Variants in AGAP1 observed in about 807,000 individuals in gnomAD.
AGAP1 encodes arf-GAP with GTPase, ANK repeat and PH domain-containing protein 1.
AGAP1 carries 29 observed loss-of-function variants against 105.3 expected under a neutral mutation model. The observed-to-expected ratio is 0.28, with a 90% CI of 0.21 to 0.38. The LOEUF is 0.38. Among genes scored for constraint, AGAP1 ranks in the 10% least tolerant of loss-of-function variants. AGAP1 has a pLI of 1.00. For synonymous variants in AGAP1, 509 were observed against 485.9 expected (o/e 1.05, Z -0.63); for missense variants, 998 against 1,165.1 (o/e 0.86, Z 2.09).
Position 235,568,780 on chromosome 2 carries a change from T to C in AGAP1, c.163+73931T>C, listed in dbSNP as rs112598844. On this transcript the variant is annotated intron_variant, in intron 1 of 17. Transcript: ENST00000304032. ...TGCAGGGAGAATCCATTTCCTTCCC[T>C]TTTCTAGCATCCAGAAGCCACCTGC... Among the ~76,000 whole-genome samples, 47 of 152,304 alleles carry C rather than the reference T, an allele frequency of 3.1e-4. 1 individual carries two copies. Among genetic ancestry groups the C allele is most frequent in the African/African-American group, 1.1e-3 (46 of 41,568 alleles).
In AGAP1 at chr2:235,928,169, C is replaced by T. The variant is rs191715433; in HGVS notation, c.1325-2596C>T. 2.6e-5 allele frequency among the ~76,000 whole-genome samples: 4 copies of T among 152,318 alleles called. No individual in the cohort carries two copies. In the East Asian group the frequency reaches 7.7e-4, roughly 29 times the overall value. On this transcript the variant is annotated intron_variant, in intron 11 of 17. Coordinates refer to ENST00000304032, the MANE Select transcript of AGAP1 (RefSeq NM_001037131.3). ...TTTCCACCTTTGCGGAGTCCTTTCGCCCACCATAACAGTGTCAGCAGTGTC... is the reference window on the plus strand; with the variant it reads ...TTTCCACCTTTGCGGAGTCCTTTCGTCCACCATAACAGTGTCAGCAGTGTC...
chr2:235,999,922 C>G (rs1227815634), intron 13 of AGAP1, among the ~76,000 whole-genome samples: 1 of 152,102 alleles, frequency 6.6e-6, no homozygotes, highest in Non-Finnish European at 1.5e-5. Context: ...GTGCCCATAA[C>G]AAACCTGCTA....
Position 235,864,275 on chromosome 2 carries a change from C to G in AGAP1, c.1051-19070C>G, listed in dbSNP as rs1041941007. 6.6e-5 allele frequency among the ~76,000 whole-genome samples: 10 copies of G among 152,218 alleles called. No homozygotes were observed. Among genetic ancestry groups the G allele is most frequent in the African/African-American group, 2.4e-4 (10 of 41,450 alleles). Reference sequence around the variant, plus strand: ...TAGTCCCGTGAACTCTGCATTTTCGCAGAATGCCCCCATCATGTGAAGGGG... The same window carrying G: ...TAGTCCCGTGAACTCTGCATTTTCGGAGAATGCCCCCATCATGTGAAGGGG... On this transcript the variant is annotated intron_variant, in intron 9 of 17. Transcript: ENST00000304032. The surrounding 1 kb of genome is among the most constrained non-coding windows in gnomAD (Gnocchi z 5.0).
chr2:235,518,231 G>C (rs1269351197), intron 1 of AGAP1, among the ~76,000 whole-genome samples: 1 of 152,226 alleles, frequency 6.6e-6, no homozygotes, highest in South Asian at 2.1e-4. Context: ...TGAAGACAGT[G>C]GAGCTGTTTA....
At position 235,932,469 on chromosome 2, in the gene AGAP1, A is replaced by G. The variant is rs10200722; in HGVS notation, c.1483+1546A>G. 6.3e-3 allele frequency among the ~76,000 whole-genome samples: 964 copies of G among 152,308 alleles called. 13 individuals are homozygous for G. The highest frequency in any genetic ancestry group is 0.022 in the African/African-American group (906 of 41,562). On this transcript the variant is annotated intron_variant, in intron 12 of 17. Coordinates refer to ENST00000304032, the MANE Select transcript of AGAP1 (RefSeq NM_001037131.3). ...TATTATCAATTAGTATTACTATTTG[A>G]TAAGGTTTCATTCTGTGGCCGCCAT...
chr2:236,124,574 G>A lies in AGAP1; in HGVS notation c.*452G>A, dbSNP rs936203588. ...ATTCCATCTCTTCTCTGAGGAGCTC[G>A]ACGGCATAAATCAGAAGCAAGCACA... On this transcript the variant is annotated 3_prime_UTR_variant, in exon 18 of 18. Coordinates refer to ENST00000304032, the MANE Select transcript of AGAP1 (RefSeq NM_001037131.3). The surrounding 1 kb of genome is among the most constrained non-coding windows in gnomAD (Gnocchi z 5.1). The A allele has an allele frequency of 4.8e-6, 1 of 207,666 alleles. No homozygotes were observed. Among genetic ancestry groups the A allele is most frequent in the Admixed American group, 5.2e-5 (1 of 19,084 alleles). The allele number at this position is 207,666 out of a possible 1,614,324, so 12.9% of individuals were successfully genotyped here. A position where few individuals can be genotyped will look rare whatever the true frequency, so the allele number is the denominator to read the frequency against.
At chr2:235,857,231 G>A (rs1044342308) in intron 9 of AGAP1, among the ~76,000 whole-genome samples, 1 of 152,084 alleles carries the variant, frequency 6.6e-6, no homozygotes, top group African/African-American at 2.4e-5. Context: ...ACAGAAGTGC[G>A]AACCCTATTG....
At position 235,879,295 on chromosome 2, in the gene AGAP1, C is replaced by T. The variant is rs2049895590; in HGVS notation, c.1051-4050C>T. The stretch of plus-strand genomic sequence containing the variant: ...AAAGAAAAGTGCACCTGCCCCAGCC[C>T]AGCTAGACCACAGCCATGACATGGC... On this transcript the variant is annotated intron_variant, in intron 9 of 17. Transcript: ENST00000304032. This position sits in a 1 kb window ranked among gnomAD's most constrained non-coding sequence, Gnocchi z 5.0. Among the ~76,000 whole-genome samples the T allele has an allele frequency of 6.6e-6, 1 of 152,176 alleles. No homozygotes were observed. Among genetic ancestry groups the T allele is most frequent in the Non-Finnish European group, 1.5e-5 (1 of 68,028 alleles).
intron 13 of AGAP1, among the ~76,000 whole-genome samples, chr2:236,015,555 G>T (rs1034271845): frequency 1.4e-5 from 2 of 143,290 alleles, no homozygotes; most frequent in Non-Finnish European, 3.0e-5. Context: ...ATTATAAATT[G>T]CCTTTTTTTT....
At chr2:235,909,624 G>C (rs2317010) in intron 11 of AGAP1, among the ~76,000 whole-genome samples, 118,126 of 151,836 alleles carry the variant, frequency 0.78, 46,047 homozygotes, top group East Asian at 0.98. Flanking sequence ...CACACACACA[G>C]AGTCAGGCTC....
intron 1 of AGAP1, among the ~76,000 whole-genome samples, chr2:235,540,308 C>T (rs1465524341): frequency 2.6e-5 from 4 of 152,170 alleles, no homozygotes; most frequent in African/African-American, 7.2e-5. Context: ...ACGCCACCAA[C>T]GCCTGGCTAA....
chr2:236,081,690 G>A (rs2058788336), intron 16 of AGAP1, among the ~76,000 whole-genome samples: 1 of 149,508 alleles, frequency 6.7e-6, no homozygotes, highest in African/African-American at 2.5e-5. Flanking sequence ...TTTTTGCAGG[G>A]CAATTATCTG....
In AGAP1 at chr2:235,752,818, T is replaced by A. The variant is rs1189748089; in HGVS notation, c.673+2330T>A. ...GGTTGTCAGGATGATGCTGCCTTCCTGCCAAACAGCCTTTGTACGTTCTGG... is the reference window on the plus strand; with the variant it reads ...GGTTGTCAGGATGATGCTGCCTTCCAGCCAAACAGCCTTTGTACGTTCTGG... On this transcript the variant is annotated intron_variant, in intron 6 of 17. Coordinates refer to ENST00000304032, the MANE Select transcript of AGAP1 (RefSeq NM_001037131.3). This position sits in a 1 kb window ranked among gnomAD's most constrained non-coding sequence, Gnocchi z 4.3. Among the ~76,000 whole-genome samples, 1 of 152,240 alleles carries A rather than the reference T, an allele frequency of 6.6e-6. No homozygotes were observed. Among genetic ancestry groups the A allele is most frequent in the Non-Finnish European group, 1.5e-5 (1 of 68,040 alleles).
intron 6 of AGAP1, chr2:235,776,948 C>T (rs561886198): frequency 2.2e-4 from 103 of 471,182 alleles, no homozygotes; most frequent in Middle Eastern, 6.5e-4. Context: ...AAGCTGGGGC[C>T]GTGCTCACCT....
In AGAP1 at chr2:236,046,451, A is replaced by G. The variant is rs1259224896; in HGVS notation, c.1892-2608A>G. Among the ~76,000 whole-genome samples, 1 of 152,090 alleles carries G rather than the reference A, an allele frequency of 6.6e-6. No individual in the cohort carries two copies. Among genetic ancestry groups the G allele is most frequent in the Non-Finnish European group, 1.5e-5 (1 of 68,022 alleles). ...CATAAGTTCGAGAAGAAAGCGTTGG[A>G]CTTATGAGAGGTTGAGAACCTTGTG... is the stretch of plus-strand genomic sequence containing the variant. On this transcript the variant is annotated intron_variant, in intron 15 of 17. Coordinates refer to ENST00000304032, the MANE Select transcript of AGAP1 (RefSeq NM_001037131.3). This position sits in a 1 kb window ranked among gnomAD's most constrained non-coding sequence, Gnocchi z 5.2.
At chr2:235,499,227 A>C (rs1941457766) in intron 1 of AGAP1, among the ~76,000 whole-genome samples, 1 of 152,210 alleles carries the variant, frequency 6.6e-6, no homozygotes, top group Non-Finnish European at 1.5e-5. Flanking sequence ...TGTGCAAAGC[A>C]TCCCAAGCTT....
rs192878055 is a variant in AGAP1, at chr2:235,739,973, C to A, written c.311-990C>A. On this transcript the variant is annotated intron_variant, in intron 3 of 17. Transcript: ENST00000304032. This position sits in a 1 kb window ranked among gnomAD's most constrained non-coding sequence, Gnocchi z 5.3. ...TTGGGGTTTAGACAGGGTTTCTGGACGGCATCTGCACAGAGGAGCGGAAGA... is the reference window on the plus strand; with the variant it reads ...TTGGGGTTTAGACAGGGTTTCTGGAAGGCATCTGCACAGAGGAGCGGAAGA... 1.3e-5 allele frequency among the ~76,000 whole-genome samples: 2 copies of A among 152,304 alleles called. No individual in the cohort carries two copies. The highest frequency in any genetic ancestry group is 2.1e-4 in the South Asian group (1 of 4,816).
chr2:236,086,779 C>G (rs1283104454), intron 16 of AGAP1, among the ~76,000 whole-genome samples: 2 of 152,142 alleles, frequency 1.3e-5, no homozygotes, highest in Admixed American at 6.6e-5. Context: ...AGGGCACTGG[C>G]CAGCACTTAT....
intron 3 of AGAP1, among the ~76,000 whole-genome samples, chr2:235,735,992 C>A (rs1400706644): frequency 6.6e-6 from 1 of 152,028 alleles, no homozygotes; most frequent in Non-Finnish European, 1.5e-5. Context: ...TCCGTTCTCA[C>A]CTCCCTCTGC....
Sources: allele counts gnomAD v4.1 joint callset (sites outside exome capture counted in the v4.1 genomes callset), GRCh38; gene constraint gnomAD v4.1.1; non-coding constraint Gnocchi (gnomAD v3.1); transcripts MANE v1.5; gene names NCBI Gene and HGNC (gene_info 2026-07-23, HGNC 2026-07-21).